Variants in DDX46 observed in about 807,000 individuals in gnomAD.
The protein encoded by DDX46 is probable ATP-dependent RNA helicase DDX46.
DDX46 carries 30 observed loss-of-function variants against 134.9 expected under a neutral mutation model. The observed-to-expected ratio is 0.22, with a 90% CI of 0.17 to 0.30. The LOEUF is 0.30. Ranked by LOEUF, DDX46 falls within the 10% of genes least tolerant of loss-of-function variation. The probability of loss-of-function intolerance (pLI) is 1.00; values close to 1 mark genes in which losing one functional copy is unlikely to be tolerated. For missense variants in DDX46, 622 were observed against 1,248.7 expected, an observed-to-expected ratio of 0.50 and a Z score of 7.56; for synonymous variants, 415 against 404.1, an observed-to-expected ratio of 1.03 and a Z score of -0.32.
At chr5:134,798,040 G>A (rs193257763) in intron 15 of DDX46, among the ~76,000 whole-genome samples, 115 of 152,124 alleles carry the variant, frequency 7.6e-4, no homozygotes, top group Admixed American at 1.3e-3. Flanking sequence ...TCGAACTGCC[G>A]ACCTCAGGTG....
intron 2 of DDX46, among the ~76,000 whole-genome samples, chr5:134,765,303 T>C (rs1419470025): frequency 1.3e-5 from 2 of 150,274 alleles, no homozygotes; most frequent in Non-Finnish European, 3.0e-5. Flanking sequence ...CCCAGCACTT[T>C]GGGAGGCCAA....
In DDX46 at chr5:134,830,177, A is replaced by G. The variant is rs1213160091; in HGVS notation, c.*1471A>G. ...ACCACAGATCAAAAATAGAAAAAAA[A>G]AAAAAAAGAAAAAAAGAATGTAAAA... On this transcript the variant is annotated 3_prime_UTR_variant, in exon 23 of 23. Transcript: ENST00000452510. 1.3e-5 allele frequency: 2 copies of G among 151,026 alleles called. No individual in the cohort carries two copies. Among genetic ancestry groups the G allele is most frequent in the African/African-American group, 2.4e-5 (1 of 41,298 alleles). 9.4% of individuals were successfully genotyped at this position (151,026 alleles called of 1,614,324 possible).
At position 134,826,932 on chromosome 5, in the gene DDX46, C is replaced by T. The variant is rs780840913; in HGVS notation, c.2978-15C>T. On this transcript the variant is annotated splice_polypyrimidine_tract_variant and intron_variant, in intron 21 of 22. Coordinates refer to ENST00000452510, the MANE Select transcript of DDX46 (RefSeq NM_001300860.2). The stretch of plus-strand genomic sequence containing the variant: ...TTTAGTAATTTGAATAATATGCTTT[C>T]CACTCAATCACTAGGTGCCAATGAA... The T allele has an allele frequency of 1.9e-6, 3 of 1,610,340 alleles. No individual in the cohort carries two copies. In the South Asian group the frequency reaches 3.3e-5, roughly 18 times the overall value.
intron 16 of DDX46, among the ~76,000 whole-genome samples, chr5:134,808,388 T>A (rs1290686194): frequency 6.6e-6 from 1 of 152,208 alleles, no homozygotes; most frequent in Non-Finnish European, 1.5e-5. Flanking sequence ...ACACAAAGCC[T>A]ATTTTATAAT....
chr5:134,804,821 T>C (rs752463755), intron 15 of DDX46: 1 of 410,774 alleles, frequency 2.4e-6, no homozygotes, highest in Non-Finnish European at 4.8e-6. Context: ...ACTTTCACCA[T>C]GATTTTCTGT....
At chr5:134,781,061 C>T in intron 6 of DDX46, 72 bp from the exon 7 acceptor site, 2 of 1,037,220 alleles carry the variant, frequency 1.9e-6, no homozygotes, top group Admixed American at 6.5e-5. Context: ...GTGTCAGTTA[C>T]TGTGTGCTTC....
chr5:134,788,422 C>G (rs991027255), intron 11 of DDX46, 91 bp from the exon 12 acceptor site: 22 of 1,044,394 alleles, frequency 2.1e-5, no homozygotes, highest in Non-Finnish European at 3.0e-5. Context: ...TGGAAGTCTT[C>G]TAATTAGACT....
rs201232104 is a variant in DDX46, at chr5:134,780,164, GTGTATA to G, written c.766-959_766-954del. ...TATATGTATATATGTGCATGTATAT[GTGTATA>G]TGTATATGTGTGTATGTATATATGT... On this transcript the variant is annotated intron_variant, in intron 6 of 22. Coordinates refer to ENST00000452510, the MANE Select transcript of DDX46 (RefSeq NM_001300860.2). 8.4e-3 allele frequency among the ~76,000 whole-genome samples: 1,270 copies of G among 151,340 alleles called. 5 individuals carry two copies. The highest frequency in any genetic ancestry group is 0.041 in the Middle Eastern group (12 of 290).
intron 17 of DDX46, 165 bp downstream of exon 17, chr5:134,811,523 C>T: frequency 8.5e-7 from 1 of 1,178,794 alleles, no homozygotes; most frequent in Non-Finnish European, 1.2e-6. Flanking sequence ...CTATCTTATT[C>T]TTGAACTTAG....
At chr5:134,793,506 G>A (rs904163765) in intron 13 of DDX46, among the ~76,000 whole-genome samples, 22 of 152,308 alleles carry the variant, frequency 1.4e-4, no homozygotes, top group African/African-American at 5.3e-4. Flanking sequence ...CCAGGTTCAA[G>A]TGATTCTCCT....
chr5:134,821,543 T>G (rs1755451805), intron 21 of DDX46, among the ~76,000 whole-genome samples: 4 of 151,212 alleles, frequency 2.6e-5, no homozygotes, highest in South Asian at 2.1e-4. Context: ...TTTGTTTTTT[T>G]TTTTTTTTGA....
chr5:134,805,025 G>A, intron 15 of DDX46: 1 of 374,722 alleles, frequency 2.7e-6, no homozygotes, highest in South Asian at 2.4e-5. Context: ...CAACTTTGTT[G>A]GTATAAAGGT....
In DDX46 at chr5:134,772,336, C is replaced by T. The variant is rs539259732; in HGVS notation, c.447+1337C>T. ...CAAGAGATTGAGATCATCTTGGCCA[C>T]CATGGTGAAACCCTGTCTCTACTAA... On this transcript the variant is annotated intron_variant, in intron 4 of 22. Coordinates refer to ENST00000452510, the MANE Select transcript of DDX46 (RefSeq NM_001300860.2). 5.3e-5 allele frequency among the ~76,000 whole-genome samples: 8 copies of T among 151,920 alleles called. No homozygotes were observed. In the South Asian group the frequency reaches 1.7e-3, roughly 32 times the overall value.
At chr5:134,825,737 C>A (rs1755572572) in intron 21 of DDX46, 1 of 152,186 alleles carries the variant, frequency 6.6e-6, no homozygotes, top group South Asian at 2.1e-4. Flanking sequence ...CCAGATTCTA[C>A]CCAGCCTACC....
chr5:134,800,643 C>A (rs2108665), intron 15 of DDX46, among the ~76,000 whole-genome samples: 2 of 151,970 alleles, frequency 1.3e-5, no homozygotes, highest in Non-Finnish European at 2.9e-5. Context: ...CTATCCATAA[C>A]CGCTGGCAAC....
intron 16 of DDX46, among the ~76,000 whole-genome samples, chr5:134,810,354 T>C (rs1280353311): frequency 6.6e-6 from 1 of 151,922 alleles, no homozygotes; most frequent in Non-Finnish European, 1.5e-5. Flanking sequence ...TTTTTTTTTT[T>C]TGAGACGGAG....
intron 15 of DDX46, among the ~76,000 whole-genome samples, chr5:134,800,936 A>T (rs377166190): frequency 6.6e-6 from 1 of 152,144 alleles, no homozygotes; most frequent in East Asian, 1.9e-4. Context: ...TCAGCCTCCC[A>T]AAGTGCTGGG....
intron 15 of DDX46, among the ~76,000 whole-genome samples, chr5:134,798,187 G>T (rs868803955): frequency 0.036 from 4,637 of 127,430 alleles, 107 homozygotes; most frequent in Non-Finnish European, 0.058. Context: ...TTTTTTTTTT[G>T]TTGTTGTTTG....
intron 16 of DDX46, 151 bp downstream of exon 16, chr5:134,808,092 A>T: frequency 1.4e-6 from 1 of 723,278 alleles, no homozygotes; most frequent in Non-Finnish European, 2.1e-6. Context: ...AATAATTTAT[A>T]TACATGTACA....
Sources: allele counts gnomAD v4.1 joint callset (sites outside exome capture counted in the v4.1 genomes callset), GRCh38; gene constraint gnomAD v4.1.1; transcripts MANE v1.5; gene names NCBI Gene and HGNC (gene_info 2026-07-23, HGNC 2026-07-21).